SLC16A7: variants seen among roughly 807,000 people sequenced by gnomAD.
The protein encoded by SLC16A7 is monocarboxylate transporter 2.
SLC16A7 carries 33 observed loss-of-function variants against 34.9 expected under a neutral mutation model. The ratio of observed to expected loss-of-function variants is 0.94; its 90% CI spans 0.72 to 1.26. SLC16A7 has a LOEUF of 1.26. Ranked by LOEUF, SLC16A7 falls within the 50% of genes most tolerant of loss-of-function variation. SLC16A7 has a pLI of 0.00. For missense variants in SLC16A7, 573 were observed against 578.1 expected (o/e 0.99, Z 0.09); for synonymous variants, 201 against 206.6 (o/e 0.97, Z 0.23).
At chr12:59,610,759 C>T (rs988495109) in intron 1 of SLC16A7, among the ~76,000 whole-genome samples, 2 of 152,140 alleles carry the variant, frequency 1.3e-5, no homozygotes, top group African/African-American at 2.4e-5. Context: ...TGTTTAAAAA[C>T]GTGTTTCTTT....
In SLC16A7 at chr12:59,662,959, G is replaced by A. The variant is rs144609674; in HGVS notation, c.-31+7709G>A. Among the ~76,000 whole-genome samples the A allele has an allele frequency of 5.3e-5, 8 of 152,106 alleles. No homozygotes were observed. The East Asian group carries it at 1.5e-3, about 29-fold the overall frequency. Reference sequence around the variant, plus strand: ...TTCTACATTTAGAAAGAAAATATGTGATTTATAATTTGAACTCTTTAAACT... The same window carrying A: ...TTCTACATTTAGAAAGAAAATATGTAATTTATAATTTGAACTCTTTAAACT... On this transcript the variant is annotated intron_variant, in intron 2 of 5. Coordinates refer to ENST00000547379, the MANE Select transcript of SLC16A7 (RefSeq NM_001270623.2).
intron 2 of SLC16A7, among the ~76,000 whole-genome samples, chr12:59,663,734 G>A (rs1565636143): frequency 1.3e-5 from 2 of 151,880 alleles, no homozygotes; most frequent in Admixed American, 1.3e-4. Flanking sequence ...TTTCATTTTA[G>A]TTTTTAAGCT....
intron 2 of SLC16A7, among the ~76,000 whole-genome samples, chr12:59,690,687 A>G (rs1159474304): frequency 2.6e-5 from 4 of 152,000 alleles, no homozygotes; most frequent in Non-Finnish European, 4.4e-5. Flanking sequence ...AGACACCACT[A>G]AAAATAGAAA....
intron 3 of SLC16A7, among the ~76,000 whole-genome samples, chr12:59,741,792 C>T (rs12296752): frequency 0.015 from 2,218 of 152,198 alleles, 46 homozygotes; most frequent in African/African-American, 0.049. Context: ...TCAATGTTCA[C>T]TTTGTTGCCT....
chr12:59,776,327 T>C (rs994495197), intron 5 of SLC16A7, among the ~76,000 whole-genome samples: 1 of 152,192 alleles, frequency 6.6e-6, no homozygotes, highest in Non-Finnish European at 1.5e-5. Context: ...TGAATGCTTT[T>C]AGAAGTAAAT....
At chr12:59,669,044 A>G (rs965511682) in intron 2 of SLC16A7, among the ~76,000 whole-genome samples, 5 of 152,138 alleles carry the variant, frequency 3.3e-5, no homozygotes, top group African/African-American at 9.7e-5. Context: ...TCTTTTATAA[A>G]TGACCCAGTC....
At chr12:59,606,157 TAAAC>T (rs1218878570) in intron 1 of SLC16A7, among the ~76,000 whole-genome samples, 1 of 152,126 alleles carries the variant, frequency 6.6e-6, no homozygotes, top group Admixed American at 6.6e-5. Context: ...GGTCAGAAAA[TAAAC>T]AAATATTAAA....
intron 3 of SLC16A7, among the ~76,000 whole-genome samples, chr12:59,750,927 T>C (rs1419032438): frequency 6.6e-6 from 1 of 152,098 alleles, no homozygotes; most frequent in Non-Finnish European, 1.5e-5. Flanking sequence ...TGGATGAAGC[T>C]GGAAACCATC....
At chr12:59,609,566 TGA>T (rs1330339308) in intron 1 of SLC16A7, among the ~76,000 whole-genome samples, 2 of 152,086 alleles carry the variant, frequency 1.3e-5, no homozygotes, top group African/African-American at 4.8e-5. Context: ...GTGGAGAAAG[TGA>T]GAGAGACCTT....
At chr12:59,657,709 C>T (rs1329822164) in intron 2 of SLC16A7, among the ~76,000 whole-genome samples, 1 of 151,896 alleles carries the variant, frequency 6.6e-6, no homozygotes, top group Non-Finnish European at 1.5e-5. Flanking sequence ...TCCCAAGGGA[C>T]AATATATTAA....
chr12:59,734,449 G>T (rs1375089790), intron 3 of SLC16A7, among the ~76,000 whole-genome samples: 1 of 152,234 alleles, frequency 6.6e-6, no homozygotes, highest in Admixed American at 6.5e-5. Context: ...AGGGGCAGGG[G>T]GGCTTCCTGG....
At chr12:59,752,475 G>A (rs1050648882) in intron 3 of SLC16A7, among the ~76,000 whole-genome samples, 16 of 152,290 alleles carry the variant, frequency 1.1e-4, no homozygotes, top group South Asian at 8.3e-4. Flanking sequence ...CCTCAGGAGC[G>A]GATGTGATCA....
chr12:59,774,978 C>T lies in SLC16A7; in HGVS notation c.683C>T (p.Ser228Leu). ...CCAAAGAAAATCAAAACGAAGAAAT[C>T]AACTTGGGAAAAAGTTAATAAGTAT... ...SSPKKIKTKK[S>L]TWEKVNKYLD... Residue 228 changes from serine to leucine, a missense_variant, in exon 5 of 6, where the codon TCA (serine) becomes TTA (leucine). Ser to Leu is a moderately radical substitution (Grantham distance 145, BLOSUM62 -2). Coordinates refer to ENST00000547379, the MANE Select transcript of SLC16A7 (RefSeq NM_001270623.2). 1 of 1,613,764 alleles carries T rather than the reference C, an allele frequency of 6.2e-7. No individual in the cohort carries two copies. Among genetic ancestry groups the T allele is most frequent in the Non-Finnish European group, 8.5e-7 (1 of 1,179,854 alleles).
At chr12:59,734,020 A>T (rs921000878) in intron 3 of SLC16A7, 5 of 342,642 alleles carry the variant, frequency 1.5e-5, no homozygotes, top group Non-Finnish European at 2.9e-5. Flanking sequence ...GCCTGGAAAA[A>T]GCTCCATAAG....
Position 59,702,729 on chromosome 12 carries a change from C to A in SLC16A7, c.-30-2043C>A, listed in dbSNP as rs182214506. 1.9e-3 allele frequency among the ~76,000 whole-genome samples: 284 copies of A among 152,096 alleles called. 2 individuals are homozygous for A. The highest frequency in any genetic ancestry group is 6.0e-3 in the African/African-American group (249 of 41,518). On this transcript the variant is annotated intron_variant, in intron 2 of 5. Transcript: ENST00000547379. ...TTTTTGAAAAGCAGATGCCTATGAC[C>A]ATTTTGATCAATAAAAAGAATACTA...
At chr12:59,733,436 G>A (rs540005514) in intron 3 of SLC16A7, among the ~76,000 whole-genome samples, 12 of 152,254 alleles carry the variant, frequency 7.9e-5, no homozygotes, top group South Asian at 4.1e-4. Context: ...AGCTCCAGGC[G>A]CTGGCAAAGG....
chr12:59,637,401 C>T (rs2137001683), intron 1 of SLC16A7, among the ~76,000 whole-genome samples: 1 of 151,466 alleles, frequency 6.6e-6, no homozygotes, highest in East Asian at 1.9e-4. Context: ...TAGTTATTTT[C>T]ACCTCGGTCT....
intron 2 of SLC16A7, among the ~76,000 whole-genome samples, chr12:59,679,591 T>G (rs1870588212): frequency 6.6e-6 from 1 of 152,232 alleles, no homozygotes; most frequent in African/African-American, 2.4e-5. Context: ...TGAACTTACC[T>G]GTCTCATGAT....
At chr12:59,627,925 A>C (rs1880000873) in intron 1 of SLC16A7, among the ~76,000 whole-genome samples, 1 of 150,774 alleles carries the variant, frequency 6.6e-6, no homozygotes, top group Admixed American at 6.6e-5. Flanking sequence ...TCAGTGTACC[A>C]GTTTTACAAA....
Sources: allele counts gnomAD v4.1 joint callset (sites outside exome capture counted in the v4.1 genomes callset), GRCh38; gene constraint gnomAD v4.1.1; transcripts MANE v1.5; gene names NCBI Gene and HGNC (gene_info 2026-07-23, HGNC 2026-07-21).